The following TM9SF2 variants were observed in gnomAD, a reference collection of about 807,000 sequenced individuals.
TM9SF2 encodes the protein 76 kDa membrane protein.
Under a neutral mutation model 84.9 loss-of-function variants are expected in TM9SF2, and 13 were observed. The observed-to-expected ratio is 0.15, with a 90% confidence interval of 0.10 to 0.24. The LOEUF is 0.24. Ranked by LOEUF, TM9SF2 falls within the 10% of genes least tolerant of loss-of-function variation. The pLI, the probability that TM9SF2 is intolerant of heterozygous loss-of-function variation, is 1.00. For missense variants in TM9SF2, 562 were observed against 818.5 expected (o/e 0.69, Z 3.82); for synonymous variants, 273 against 285.8 (o/e 0.96, Z 0.45).
chr13:99,517,617 G>A lies in TM9SF2; in HGVS notation c.175G>A (p.Glu59Lys), dbSNP rs144939288. 26 of 1,558,994 alleles carry A rather than the reference G, an allele frequency of 1.7e-5. 1 individual carries two copies. The African/African-American group carries it at 2.5e-4, about 15-fold the overall frequency. ...TTTTGTGTTTCCTTATTTTCAGGCC[G>A]AAATAGAACTATTTGTGAACAGACT... Reference protein sequence around the residue: ...EEKKSDECKAEIELFVNRLDS... With the variant: ...EEKKSDECKAKIELFVNRLDS... Residue 59 changes from glutamate to lysine, a missense_variant, in exon 2 of 17, where the codon GAA becomes AAA. This residue lies in a region of TM9SF2 where 267 missense variants were observed against 316.7 expected (regional missense o/e 0.84). Transcript: ENST00000376387.
chr13:99,525,553 A>ATT (rs34947354), intron 3 of TM9SF2, among the ~76,000 whole-genome samples: 1,312 of 119,492 alleles, frequency 0.011, 34 homozygotes, highest in African/African-American at 0.034. Context: ...CTTATGATAG[A>ATT]TTTTTTTTTT....
intron 3 of TM9SF2, among the ~76,000 whole-genome samples, chr13:99,523,343 G>T (rs1424726267): frequency 6.6e-6 from 1 of 151,986 alleles, no homozygotes; most frequent in African/African-American, 2.4e-5. Context: ...GAGAGACAGG[G>T]TCTCACTATG....
chr13:99,501,499 G>T lies in TM9SF2; in HGVS notation c.-108G>T. On this transcript the variant is annotated 5_prime_UTR_variant, in exon 1 of 17. Transcript: ENST00000376387. ...CGCAACCGGAACTAGCCTTCTGGGG[G>T]CCGGCTTCCTTTATCTCTGGCGGCC... 2 of 1,403,914 alleles carry T rather than the reference G, an allele frequency of 1.4e-6. No individual in the cohort carries two copies. Among genetic ancestry groups the T allele is most frequent in the Non-Finnish European group, 9.6e-7 (1 of 1,043,498 alleles). 87.0% of individuals were successfully genotyped at this position (1,403,914 alleles called of 1,614,324 possible).
chr13:99,501,684 G>A lies in TM9SF2; in HGVS notation c.78G>A (p.Ala26=), dbSNP rs749561091. 3 of 1,612,956 alleles carry A rather than the reference G, an allele frequency of 1.9e-6. No individual in the cohort carries two copies. The highest frequency in any genetic ancestry group is 1.3e-5 in the African/African-American group (1 of 74,896). Residue 26 remains alanine, a synonymous_variant, in exon 1 of 17, where the codon GCG becomes GCA. Transcript: ENST00000376387. Reference sequence around the variant, plus strand: ...TGCTGTCGCTGCTCCTGCTGGGGGCGGTTCCTGGCCCGCGCCGGAGCGGCG... The same window carrying A: ...TGCTGTCGCTGCTCCTGCTGGGGGCAGTTCCTGGCCCGCGCCGGAGCGGCG... ...LLLLSLLLLG[A]VPGPRRSGAF...
At chr13:99,534,773 A>C (rs1352385645) in intron 4 of TM9SF2, among the ~76,000 whole-genome samples, 2 of 152,210 alleles carry the variant, frequency 1.3e-5, no homozygotes, top group Non-Finnish European at 2.9e-5. Context: ...AGTCTGTCAG[A>C]TTGGAAATAA....
intron 12 of TM9SF2, among the ~76,000 whole-genome samples, chr13:99,551,205 A>T (rs1319893689): frequency 6.6e-6 from 1 of 152,226 alleles, no homozygotes; most frequent in Non-Finnish European, 1.5e-5. Context: ...TGACAAGCCT[A>T]CAAGATTATT....
At chr13:99,555,063 A>T (rs571364774) in intron 14 of TM9SF2, among the ~76,000 whole-genome samples, 22 of 152,226 alleles carry the variant, frequency 1.4e-4, no homozygotes, top group Non-Finnish European at 2.8e-4. Flanking sequence ...ACATTGACGT[A>T]TGTTACAGGA....
intron 16 of TM9SF2, among the ~76,000 whole-genome samples, chr13:99,560,085 G>A (rs1406831044): frequency 1.3e-5 from 2 of 152,120 alleles, no homozygotes; most frequent in Non-Finnish European, 2.9e-5. Context: ...CCAACTAGAT[G>A]AAAGTTTTCG....
chr13:99,521,899 G>T (rs1241783688), intron 3 of TM9SF2, among the ~76,000 whole-genome samples: 1 of 152,104 alleles, frequency 6.6e-6, no homozygotes, highest in Non-Finnish European at 1.5e-5. Flanking sequence ...TAGAGACAGG[G>T]TCTCACTCTG....
At chr13:99,531,800 C>T (rs954124693) in intron 4 of TM9SF2, among the ~76,000 whole-genome samples, 1 of 152,158 alleles carries the variant, frequency 6.6e-6, no homozygotes, top group South Asian at 2.1e-4. Flanking sequence ...GAGCTTGTTT[C>T]CCCTAAACTA....
intron 16 of TM9SF2, among the ~76,000 whole-genome samples, chr13:99,561,035 T>A (rs2046342973): frequency 2.6e-5 from 4 of 152,250 alleles, no homozygotes; most frequent in African/African-American, 9.6e-5. Flanking sequence ...AATTTTGTAA[T>A]CTGAATTATG....
At chr13:99,520,860 A>G (rs1324930906) in intron 3 of TM9SF2, among the ~76,000 whole-genome samples, 1 of 152,188 alleles carries the variant, frequency 6.6e-6, no homozygotes, top group Non-Finnish European at 1.5e-5. Context: ...TTGAGCCAGT[A>G]TGCCTAGCCT....
At chr13:99,554,879 G>C (rs565934991) in intron 14 of TM9SF2, among the ~76,000 whole-genome samples, 1 of 152,280 alleles carries the variant, frequency 6.6e-6, no homozygotes, top group East Asian at 1.9e-4. Flanking sequence ...AGCACTTGTC[G>C]GAGGGGATTG....
chr13:99,504,919 T>G (rs985832145), intron 1 of TM9SF2, among the ~76,000 whole-genome samples: 4 of 152,210 alleles, frequency 2.6e-5, no homozygotes, highest in African/African-American at 9.6e-5. Context: ...TTGGGCCCAA[T>G]TTTTCTCTAT....
chr13:99,531,944 C>T (rs1308267867), intron 4 of TM9SF2, among the ~76,000 whole-genome samples: 1 of 152,048 alleles, frequency 6.6e-6, no homozygotes, highest in Admixed American at 6.6e-5. Context: ...ATATTTAAGC[C>T]TCAGTTCTTA....
intron 3 of TM9SF2, among the ~76,000 whole-genome samples, chr13:99,526,431 T>A (rs2046183852): frequency 1.3e-5 from 2 of 152,128 alleles, no homozygotes; most frequent in East Asian, 1.9e-4. Flanking sequence ...AGCTTGGAGT[T>A]TGAGCTTGCA....
chr13:99,502,059 C>A (rs148334683), intron 1 of TM9SF2, among the ~76,000 whole-genome samples: 1 of 152,330 alleles, frequency 6.6e-6, no homozygotes, highest in Non-Finnish European at 1.5e-5. Context: ...GAACAGGGAC[C>A]GTGTGGAGCG....
chr13:99,519,762 A>G (rs1025130061), intron 2 of TM9SF2: 14 of 224,416 alleles, frequency 6.2e-5, no homozygotes, highest in Non-Finnish European at 1.2e-4. Flanking sequence ...AGTGAACAAA[A>G]ATGAATTATA....
chr13:99,532,351 T>C (rs1223594847), intron 4 of TM9SF2, among the ~76,000 whole-genome samples: 1 of 151,802 alleles, frequency 6.6e-6, no homozygotes, highest in Non-Finnish European at 1.5e-5. Flanking sequence ...CGCCCGGCCT[T>C]GTGGGTGATT....
Sources: gnomAD v4.1 joint callset for allele counts (sites outside exome capture counted in the v4.1 genomes callset) on GRCh38, gnomAD v4.1.1 for gene constraint, gnomAD v4.1.1 regional missense constraint, MANE v1.5 for transcripts, NCBI Gene and HGNC (gene_info 2026-07-23, HGNC 2026-07-21) for gene names.